CHIA: variants seen among roughly 807,000 people sequenced by gnomAD.
CHIA encodes acidic mammalian chitinase.
A neutral mutation model predicts 53.5 loss-of-function variants in CHIA; 47 were observed. That is an observed-to-expected ratio of 0.88 (90% CI 0.70 to 1.12). The LOEUF is 1.12. Among genes scored for constraint, CHIA ranks in the 50% most tolerant of loss-of-function variants. The pLI is 0.00. For synonymous variants in CHIA, 268 were observed against 222.2 expected (o/e 1.21, Z -1.83); for missense variants, 652 against 592.2 (o/e 1.10, Z -1.05).
At chr1:111,319,038 C>T (rs1649418709) in intron 9 of CHIA, 82 bp from the exon 10 acceptor site, 7 of 1,520,546 alleles carry the variant, frequency 4.6e-6, no homozygotes, top group Non-Finnish European at 5.3e-6. Context: ...CAACTGGAGA[C>T]ATGAAAGAAG....
At chr1:111,310,771 A>G (rs1334278489) in intron 2 of CHIA, among the ~76,000 whole-genome samples, 3 of 152,152 alleles carry the variant, frequency 2.0e-5, no homozygotes, top group East Asian at 1.9e-4. Flanking sequence ...TTACTCTTTC[A>G]TCTTTTGTTC....
rs375891484 is a variant in CHIA at position 111,312,327 on chromosome 1, G to A, written c.193G>A (p.Glu65Lys). Residue 65 changes from glutamate (E) to lysine (K), a missense_variant, in exon 4 of 12, where the codon GAG (glutamate) becomes AAG (lysine). Transcript: ENST00000369740. ...CGCCTTTGCTGGGAGGCAGAACAACGAGATCACCACCATCGAATGGAATGA... is the reference window on the plus strand; with the variant it reads ...CGCCTTTGCTGGGAGGCAGAACAACAAGATCACCACCATCGAATGGAATGA... ...IYAFAGRQNN[E>K]ITTIEWNDVT... 1.3e-5 allele frequency: 21 copies of A among 1,613,994 alleles called. No homozygotes were observed. Among genetic ancestry groups the A allele is most frequent in the East Asian group, 4.5e-5 (2 of 44,892 alleles).
At chr1:111,304,597 A>G (rs994219453) in intron 1 of CHIA, among the ~76,000 whole-genome samples, 3 of 151,992 alleles carry the variant, frequency 2.0e-5, no homozygotes, top group African/African-American at 7.2e-5. Flanking sequence ...TTTTTGTCCA[A>G]ATTTTTAAAA....
chr1:111,299,476 A>G (rs1294315950), intron 1 of CHIA, among the ~76,000 whole-genome samples: 2 of 152,208 alleles, frequency 1.3e-5, no homozygotes, highest in African/African-American at 4.8e-5. Flanking sequence ...AAACAGAACC[A>G]ATGACAAAAA....
At chr1:111,291,832 G>C (rs970033149) in intron 1 of CHIA, among the ~76,000 whole-genome samples, 1 of 54,940 alleles carries the variant, frequency 1.8e-5, no homozygotes, top group East Asian at 2.3e-3. Context: ...GGGCCTGTCG[G>C]GGGGGGGTGG....
intron 1 of CHIA, among the ~76,000 whole-genome samples, chr1:111,295,963 G>A (rs1479456214): frequency 2.0e-5 from 3 of 152,218 alleles, no homozygotes; most frequent in South Asian, 2.1e-4. Context: ...CACTGCTAGC[G>A]CAGCAGTCTG....
rs1354144235 is a variant in CHIA at position 111,312,043 on chromosome 1, A to G, written c.56-147A>G. The G allele has an allele frequency of 4.4e-5, 29 of 660,624 alleles. No individual in the cohort carries two copies. In the East Asian group the frequency reaches 7.7e-4, roughly 17 times the overall value. The allele number at this position is 660,624 out of a possible 1,614,324, so 40.9% of individuals were successfully genotyped here. A position where few individuals can be genotyped will look rare whatever the true frequency, so the allele number is the denominator to read the frequency against. On this transcript the variant is annotated intron_variant, in intron 3 of 11. Coordinates refer to ENST00000369740, the MANE Select transcript of CHIA (RefSeq NM_201653.4). The stretch of plus-strand genomic sequence containing the variant: ...GTTCTGAGTTAGAATCTTAGGATGC[A>G]TTTGCAAGAGTGTTCATACTAATTA...
chr1:111,292,180 A>T (rs1405070700), intron 1 of CHIA, among the ~76,000 whole-genome samples: 1 of 152,208 alleles, frequency 6.6e-6, no homozygotes, highest in African/African-American at 2.4e-5. Context: ...TTTATTAAAT[A>T]ACTAACATGT....
At chr1:111,314,820 G>A in intron 5 of CHIA, 1 of 514,926 alleles carries the variant, frequency 1.9e-6, no homozygotes, top group South Asian at 2.8e-5. Flanking sequence ...CCTATCCACA[G>A]AGGTTTACTT....
At chr1:111,319,081 G>T (rs778215287) in intron 9 of CHIA, 39 bp from the exon 10 acceptor site, 1 of 1,589,692 alleles carries the variant, frequency 6.3e-7, no homozygotes, top group East Asian at 2.2e-5. Flanking sequence ...TTTAATGGGA[G>T]TAACATTTAA....
intron 1 of CHIA, among the ~76,000 whole-genome samples, chr1:111,296,100 G>A (rs1661320124): frequency 6.6e-6 from 1 of 152,230 alleles, no homozygotes; most frequent in Non-Finnish European, 1.5e-5. Flanking sequence ...AGCAAGGCTG[G>A]CTGCCTCTAT....
Position 111,315,330 on chromosome 1 carries a change from A to G in CHIA, c.375A>G (p.Lys125=). Residue 125 remains lysine, a synonymous_variant, in exon 6 of 12, where the codon AAA becomes AAG. Coordinates refer to ENST00000369740, the MANE Select transcript of CHIA (RefSeq NM_201653.4). ...AGACTTTCATCACCTCAGTCATCAA[A>G]TTCCTGCGCCAGTATGAGTTTGACG... is the stretch of plus-strand genomic sequence containing the variant. ...NRQTFITSVI[K]FLRQYEFDGL... 2 of 1,613,578 alleles carry G rather than the reference A, an allele frequency of 1.2e-6. No homozygotes were observed. Among genetic ancestry groups the G allele is most frequent in the Non-Finnish European group, 1.7e-6 (2 of 1,179,948 alleles).
At chr1:111,314,030 C>A (rs960038932) in intron 4 of CHIA, among the ~76,000 whole-genome samples, 11 of 152,090 alleles carry the variant, frequency 7.2e-5, no homozygotes, top group African/African-American at 2.4e-4. Context: ...GCAATCCAAC[C>A]GAATTGGAAT....
chr1:111,320,424 G>T lies in CHIA; in HGVS notation c.1389G>T (p.Gly463=). Residue 463 remains glycine (G), a synonymous_variant, in exon 12 of 12, where the codon GGG becomes GGT. Coordinates refer to ENST00000369740, the MANE Select transcript of CHIA (RefSeq NM_201653.4). ...CGTACCAGCAGAACTGCCAGGCCGGGCTTGTCTTCGACACCAGCTGTGATT... is the reference window on the plus strand; with the variant it reads ...CGTACCAGCAGAACTGCCAGGCCGGTCTTGTCTTCGACACCAGCTGTGATT... ...GVTYQQNCQA[G]LVFDTSCDCC... The T allele has an allele frequency of 1.2e-6, 2 of 1,614,204 alleles. No individual in the cohort carries two copies. Among genetic ancestry groups the T allele is most frequent in the Non-Finnish European group, 1.7e-6 (2 of 1,180,034 alleles).
At chr1:111,292,514 T>C (rs1661089093) in intron 1 of CHIA, among the ~76,000 whole-genome samples, 1 of 152,232 alleles carries the variant, frequency 6.6e-6, no homozygotes, top group African/African-American at 2.4e-5. Context: ...CATTCTCACT[T>C]ACATTGACTG....
At chr1:111,315,084 T>C (rs936055914) in intron 5 of CHIA, 186 bp from the exon 6 acceptor site, 1 of 572,504 alleles carries the variant, frequency 1.7e-6, no homozygotes, top group Non-Finnish European at 3.1e-6. Context: ...ATAAAGGGAA[T>C]GTTAAGATAC....
intron 1 of CHIA, among the ~76,000 whole-genome samples, chr1:111,291,848 G>A (rs1365246038): frequency 6.6e-6 from 1 of 151,380 alleles, no homozygotes; most frequent in Non-Finnish European, 1.5e-5. Flanking sequence ...GGTGGGGGTA[G>A]GGAAAGCATC....
At chr1:111,320,111 C>T (rs1000360502) in intron 11 of CHIA, 102 bp from the exon 12 acceptor site, 6 of 1,044,612 alleles carry the variant, frequency 5.7e-6, no homozygotes, top group Non-Finnish European at 8.6e-6. Flanking sequence ...GCCAACTGCA[C>T]CCCACCTCCA....
At position 111,295,730 on chromosome 1, in the gene CHIA, G is replaced by A. The variant is rs560814838; in HGVS notation, c.-69+4780G>A. On this transcript the variant is annotated intron_variant, in intron 1 of 11. Transcript: ENST00000369740. Reference sequence around the variant, plus strand: ...TGGTTGGACAGTGGGTGCAGCCCACGGAGGGTGAGCCAAAGCAGGGTGGGG... The same window carrying A: ...TGGTTGGACAGTGGGTGCAGCCCACAGAGGGTGAGCCAAAGCAGGGTGGGG... Among the ~76,000 whole-genome samples, 16 of 152,230 alleles carry A rather than the reference G, an allele frequency of 1.1e-4. 1 individual carries two copies. In the East Asian group the frequency reaches 2.5e-3, roughly 24 times the overall value.
Sources: allele counts gnomAD v4.1 joint callset (sites outside exome capture counted in the v4.1 genomes callset), GRCh38; gene constraint gnomAD v4.1.1; transcripts MANE v1.5; gene names NCBI Gene and HGNC (gene_info 2026-07-23, HGNC 2026-07-21).